TACC2: variants seen among roughly 807,000 people sequenced by gnomAD.
TACC2 encodes the protein transforming acidic coiled-coil-containing protein 2.
A neutral mutation model predicts 227.3 loss-of-function variants in TACC2; 137 were observed. The ratio of observed to expected loss-of-function variants is 0.60; its 90% CI spans 0.52 to 0.69. TACC2 has a LOEUF of 0.69. Ranked by LOEUF, TACC2 falls within the 30% of genes least tolerant of loss-of-function variation. The pLI is 0.00. For synonymous variants in TACC2, 1,523 were observed against 1,487.5 expected, an observed-to-expected ratio of 1.02 and a Z score of -0.55; for missense variants, 3,470 against 3,694.4, an observed-to-expected ratio of 0.94 and a Z score of 1.57.
chr10:122,106,189 T>C lies in TACC2; in HGVS notation c.5573+17598T>C, dbSNP rs563434672. On this transcript the variant is annotated intron_variant, in intron 5 of 22. Coordinates refer to ENST00000369005, the MANE Select transcript of TACC2 (RefSeq NM_206862.4). ...TTTTAGTAGAGACGGGGTTTTGCCA[T>C]GTTCGCCAGGTTGGTCTCCAACTCC... Among the ~76,000 whole-genome samples, 15 of 146,302 alleles carry C rather than the reference T, an allele frequency of 1.0e-4. No homozygotes were observed. In the South Asian group the frequency reaches 3.0e-3, roughly 30 times the overall value.
At chr10:122,183,387 A>C (rs891456214) in intron 7 of TACC2, among the ~76,000 whole-genome samples, 4 of 151,992 alleles carry the variant, frequency 2.6e-5, no homozygotes, top group Non-Finnish European at 5.9e-5. Flanking sequence ...TTTGCCCAGG[A>C]TGTGAGTAAT....
At chr10:121,995,557 G>A (rs748932040) in intron 1 of TACC2, among the ~76,000 whole-genome samples, 1 of 152,182 alleles carries the variant, frequency 6.6e-6, no homozygotes, top group Non-Finnish European at 1.5e-5. Context: ...TTGCATTGCT[G>A]TAAAGGAACA....
chr10:122,119,895 G>A (rs1592232342), intron 5 of TACC2, among the ~76,000 whole-genome samples: 1 of 151,596 alleles, frequency 6.6e-6, no homozygotes, highest in African/African-American at 2.4e-5. Flanking sequence ...CTCTGGCCTG[G>A]GCAACAGAGT....
At chr10:122,110,998 C>T (rs1472838368) in intron 5 of TACC2, among the ~76,000 whole-genome samples, 1 of 152,156 alleles carries the variant, frequency 6.6e-6, no homozygotes, top group Non-Finnish European at 1.5e-5. Flanking sequence ...TGGTCCCTTC[C>T]TTCATCTTCA....
intron 18 of TACC2, 54 bp from the exon 19 acceptor site, chr10:122,241,904 G>A: frequency 6.4e-7 from 1 of 1,560,160 alleles, no homozygotes; most frequent in Non-Finnish European, 8.8e-7. Context: ...AGCTGTGTGA[G>A]ATGGAAAACC....
chr10:122,195,724 C>T (rs895579368), intron 8 of TACC2, among the ~76,000 whole-genome samples: 1 of 152,118 alleles, frequency 6.6e-6, no homozygotes, highest in Non-Finnish European at 1.5e-5. Context: ...GGTTAGTGGA[C>T]AGGTGGAATA....
intron 15 of TACC2, 58 bp downstream of exon 15, chr10:122,229,544 C>T (rs141872765): frequency 2.2e-5 from 35 of 1,585,840 alleles, no homozygotes; most frequent in Non-Finnish European, 3.0e-5. Context: ...AGAGAATGAA[C>T]CCCCGAGGCC....
intron 3 of TACC2, among the ~76,000 whole-genome samples, chr10:122,069,927 A>T (rs1030832052): frequency 3.3e-5 from 5 of 152,250 alleles, no homozygotes; most frequent in African/African-American, 1.2e-4. Flanking sequence ...ATCTTCCCAA[A>T]CTTGTCTCTG....
intron 7 of TACC2, among the ~76,000 whole-genome samples, chr10:122,147,070 C>A (rs1050395164): frequency 6.6e-6 from 1 of 152,120 alleles, no homozygotes; most frequent in East Asian, 1.9e-4. Context: ...TACATACCAT[C>A]GACATGACAT....
chr10:122,226,124 C>G (rs1248936560), intron 12 of TACC2, among the ~76,000 whole-genome samples: 5 of 152,202 alleles, frequency 3.3e-5, no homozygotes, highest in Non-Finnish European at 1.5e-5. Context: ...GGCGTCTTCT[C>G]CCCTGGCCAC....
At position 122,230,408 on chromosome 10, in the gene TACC2, G is replaced by T; in HGVS notation, c.8095G>T (p.Ala2699Ser). 2 of 1,614,224 alleles carry T rather than the reference G, an allele frequency of 1.2e-6. No individual in the cohort carries two copies. The highest frequency in any genetic ancestry group is 1.7e-6 in the Non-Finnish European group (2 of 1,180,044). Residue 2699 changes from alanine to serine, a missense_variant, in exon 16 of 23, where the codon GCT (alanine) becomes TCT (serine). Ala to Ser is a moderately conservative substitution (Grantham distance 99). Around this residue, in one of 10 missense-constraint regions of TACC2, gnomAD observed 345 missense variants for 354.4 expected, o/e 0.97. Coordinates refer to ENST00000369005, the MANE Select transcript of TACC2 (RefSeq NM_206862.4). Reference protein sequence around the residue: ...IEALKLARQIALASRSHQDAK... With the variant: ...IEALKLARQISLASRSHQDAK... ...AGCCCTGAAGCTGGCCAGGCAGATT[G>T]CTTTGGCTTCCCGCAGCCACCAGGA...
chr10:122,116,014 T>C (rs2084637770), intron 5 of TACC2, among the ~76,000 whole-genome samples: 1 of 152,190 alleles, frequency 6.6e-6, no homozygotes, highest in Non-Finnish European at 1.5e-5. Context: ...TGTGTTTTTT[T>C]TCTGCCTCTC....
chr10:122,062,492 T>G (rs2076951506), intron 3 of TACC2, among the ~76,000 whole-genome samples: 1 of 151,530 alleles, frequency 6.6e-6, no homozygotes. Flanking sequence ...TTTTTTTTTT[T>G]TAGTAGAGAC....
chr10:122,210,471 C>G lies in TACC2; in HGVS notation c.6046C>G (p.Pro2016Ala), dbSNP rs1361812227. ...DSVEGSPFRP[P>A]SHSFSAVFDE... ...GGTGGAAGGAAGTCCCTTCCGTCCC[C>G]CGTCACACTCCTTCTCTGCCGTCTT... The change falls in exon 9 of 23, where the codon CCG becomes GCG. Residue 2016 changes from proline (P) to alanine (A), a missense_variant. Pro to Ala is a conservative substitution (Grantham distance 27). Coordinates refer to ENST00000369005, the MANE Select transcript of TACC2 (RefSeq NM_206862.4). This position sits in a 1 kb window ranked among gnomAD's most constrained non-coding sequence, Gnocchi z 4.6. 1.2e-6 allele frequency: 2 copies of G among 1,613,962 alleles called. No individual in the cohort carries two copies. The highest frequency in any genetic ancestry group is 2.7e-5 in the African/African-American group (2 of 74,930).
intron 7 of TACC2, among the ~76,000 whole-genome samples, chr10:122,177,438 A>G (rs947246459): frequency 6.6e-6 from 1 of 152,148 alleles, no homozygotes; most frequent in Non-Finnish European, 1.5e-5. Flanking sequence ...GGATGATGGC[A>G]TGAACCTATA....
intron 3 of TACC2, chr10:122,052,721 A>C (rs1368236758): frequency 1.3e-5 from 2 of 151,594 alleles, no homozygotes; most frequent in African/African-American, 4.8e-5. Flanking sequence ...TTCCAAGAAC[A>C]CACTCAAAAA....
At chr10:122,152,645 C>A (rs542624481) in intron 7 of TACC2, among the ~76,000 whole-genome samples, 1 of 152,174 alleles carries the variant, frequency 6.6e-6, no homozygotes, top group Admixed American at 6.6e-5. Flanking sequence ...CAGCTTGTCC[C>A]GAGGTTGGCA....
intron 3 of TACC2, among the ~76,000 whole-genome samples, chr10:122,062,966 AGG>A (rs2076999157): frequency 6.6e-6 from 1 of 152,164 alleles, no homozygotes; most frequent in Non-Finnish European, 1.5e-5. Context: ...AGAGAGGTTA[AGG>A]AACTTGTTCT....
chr10:122,082,766 G>A lies in TACC2; in HGVS notation c.266G>A (p.Gly89Glu), dbSNP rs761348528. 15 of 1,613,838 alleles carry A rather than the reference G, an allele frequency of 9.3e-6. No homozygotes were observed. The highest frequency in any genetic ancestry group is 3.3e-5 in the Admixed American group (2 of 60,006). Residue 89 changes from glycine (G) to glutamate (E), a missense_variant, in exon 4 of 23, where the codon GGG becomes GAG. Around this residue, in one of 10 missense-constraint regions of TACC2, gnomAD observed 405 missense variants for 389.6 expected, o/e 1.04. Coordinates refer to ENST00000369005, the MANE Select transcript of TACC2 (RefSeq NM_206862.4). ...EPRKDPQGAR[G>E]PEGSLLPSPP... ...AGGAAGGACCCACAGGGAGCCAGGG[G>A]GCCAGAAGGTTCTTTGCTGCCCAGC...
Sources: gnomAD v4.1 joint callset for allele counts (sites outside exome capture counted in the v4.1 genomes callset) on GRCh38, gnomAD v4.1.1 for gene constraint, gnomAD v4.1.1 regional missense constraint, Gnocchi (gnomAD v3.1) non-coding constraint, MANE v1.5 for transcripts, NCBI Gene and HGNC (gene_info 2026-07-23, HGNC 2026-07-21) for gene names.